TENM3: variants seen among roughly 807,000 people sequenced by gnomAD.
TENM3 encodes the protein teneurin transmembrane protein 3.
A neutral mutation model predicts 255.1 loss-of-function variants in TENM3; 63 were observed. The observed-to-expected ratio is 0.25, with a 90% CI of 0.20 to 0.30. TENM3 has a LOEUF of 0.30. Ranked by LOEUF, TENM3 falls within the 10% of genes least tolerant of loss-of-function variation. TENM3 has a pLI of 1.00. For missense variants in TENM3, 2,929 were observed against 3,461.1 expected (o/e 0.85, Z 3.86); for synonymous variants, 1,306 against 1,322.3 (o/e 0.99, Z 0.27).
chr4:182,389,907 C>T (rs1022656315), intron 3 of TENM3, among the ~76,000 whole-genome samples: 2 of 151,986 alleles, frequency 1.3e-5, no homozygotes, highest in African/African-American at 2.4e-5. Flanking sequence ...GGATGGTCTC[C>T]GTCTCCTGAC....
At chr4:181,749,406 G>T in the TENM3 span, among the ~76,000 whole-genome samples, 1 of 152,166 alleles carries the variant, frequency 6.6e-6, no homozygotes, top group East Asian at 1.9e-4. Flanking sequence ...CCGTTTTGAA[G>T]GTCCTCTTTT....
intron 6 of TENM3, among the ~76,000 whole-genome samples, chr4:182,663,185 A>G (rs773837597): frequency 6.6e-6 from 1 of 152,216 alleles, no homozygotes; most frequent in Non-Finnish European, 1.5e-5. Context: ...AGAAGTTGAC[A>G]GGCACTTTAG....
the TENM3 span, among the ~76,000 whole-genome samples, chr4:181,656,668 T>G: frequency 1.2e-3 from 183 of 151,566 alleles, no homozygotes; most frequent in African/African-American, 3.9e-3. Context: ...TAATTGATGT[T>G]TACTGTGTTG....
chr4:182,099,759 C>T, the TENM3 span, among the ~76,000 whole-genome samples: 1 of 152,090 alleles, frequency 6.6e-6, no homozygotes, highest in Admixed American at 6.5e-5. Context: ...AGTTTGGTGA[C>T]TTCTGATTTA....
At chr4:181,500,597 C>T in the TENM3 span, among the ~76,000 whole-genome samples, 1 of 152,082 alleles carries the variant, frequency 6.6e-6, no homozygotes. Flanking sequence ...TTGTTTATTA[C>T]TGAAAAATAT....
intron 1 of TENM3, among the ~76,000 whole-genome samples, chr4:182,279,644 A>G (rs945339374): frequency 2.0e-5 from 3 of 152,208 alleles, no homozygotes; most frequent in African/African-American, 4.8e-5. Flanking sequence ...AGCCATTTAT[A>G]TAGTCTGTGT....
At chr4:182,062,626 T>C in the TENM3 span, among the ~76,000 whole-genome samples, 4 of 152,212 alleles carry the variant, frequency 2.6e-5, no homozygotes, top group Non-Finnish European at 5.9e-5. Context: ...ATGACAGAGC[T>C]TTCCTAACTA....
chr4:181,954,485 ATCATTGTGACTTTAATTTGCATTT>A, the TENM3 span, among the ~76,000 whole-genome samples: 2 of 152,172 alleles, frequency 1.3e-5, no homozygotes, highest in Admixed American at 6.5e-5. Context: ...GCAGAGATAA[ATCATTGTGACTTTAATTTGCATTT>A]CTATGGGCTA....
the TENM3 span, among the ~76,000 whole-genome samples, chr4:182,127,227 A>T: frequency 2.0e-5 from 3 of 152,248 alleles, no homozygotes; most frequent in Non-Finnish European, 4.4e-5. Context: ...TAAGGCAGAC[A>T]TCTAATGGAT....
At chr4:182,274,020 G>A (rs1284299062) in intron 1 of TENM3, among the ~76,000 whole-genome samples, 2 of 152,178 alleles carry the variant, frequency 1.3e-5, no homozygotes, top group East Asian at 3.9e-4. Context: ...TAGAGCAAGA[G>A]AAAGAATCAG....
At chr4:182,650,913 TATATATATATAAAAC>T in intron 5 of TENM3, among the ~76,000 whole-genome samples, 1 of 41,386 alleles carries the variant, frequency 2.4e-5, no homozygotes, top group East Asian at 1.2e-3. Flanking sequence ...TATATATATA[TATATATATATAAAAC>T]AAAGCTGTTG....
chr4:182,273,711 A>G (rs1261042835), intron 1 of TENM3, among the ~76,000 whole-genome samples: 1 of 152,228 alleles, frequency 6.6e-6, no homozygotes, highest in Non-Finnish European at 1.5e-5. Context: ...GGCCTACCCT[A>G]TTCAGACTTG....
intron 3 of TENM3, among the ~76,000 whole-genome samples, chr4:182,353,344 T>C (rs1191764332): frequency 1.3e-5 from 2 of 152,186 alleles, no homozygotes; most frequent in Admixed American, 6.5e-5. Flanking sequence ...AATTTCACTG[T>C]GGGCCCTCTT....
chr4:182,558,142 A>G (rs1742761966), intron 3 of TENM3, among the ~76,000 whole-genome samples: 1 of 152,160 alleles, frequency 6.6e-6, no homozygotes, highest in African/African-American at 2.4e-5. Context: ...CCCTCGATGG[A>G]GTGCACAAGA....
chr4:181,942,952 A>G, the TENM3 span, among the ~76,000 whole-genome samples: 1 of 152,338 alleles, frequency 6.6e-6, no homozygotes, highest in South Asian at 2.1e-4. Context: ...GGTTAATAAT[A>G]TTGACATTGG....
the TENM3 span, among the ~76,000 whole-genome samples, chr4:181,597,069 T>C: frequency 6.6e-6 from 1 of 152,124 alleles, no homozygotes; most frequent in Admixed American, 6.5e-5. Flanking sequence ...GAACTTAAAA[T>C]GAAAGTTAAA....
chr4:182,685,999 T>C (rs73869813), intron 11 of TENM3, among the ~76,000 whole-genome samples: 2,717 of 152,160 alleles, frequency 0.018, 92 homozygotes, highest in African/African-American at 0.063. Flanking sequence ...TTATTTTACA[T>C]ATTTAGACGG....
the TENM3 span, among the ~76,000 whole-genome samples, chr4:181,593,493 T>C: frequency 6.6e-6 from 1 of 152,212 alleles, no homozygotes; most frequent in Non-Finnish European, 1.5e-5. Flanking sequence ...TAGGAAAAGT[T>C]GATAAGTACA....
the TENM3 span, among the ~76,000 whole-genome samples, chr4:181,451,810 T>A: frequency 9.9e-5 from 15 of 152,212 alleles, no homozygotes; most frequent in African/African-American, 3.6e-4. Flanking sequence ...GTTTTGGAAG[T>A]CATAAATCTG....
Sources: allele counts gnomAD v4.1 joint callset (sites outside exome capture counted in the v4.1 genomes callset), GRCh38; gene constraint gnomAD v4.1.1; transcripts MANE v1.5; gene names NCBI Gene and HGNC (gene_info 2026-07-23, HGNC 2026-07-21).